The following SMAD2 variants were observed in gnomAD, a reference collection of about 807,000 sequenced individuals.
SMAD2 encodes the protein SMAD family member 2, also known as MAD homolog 2.
In SMAD2, 8 loss-of-function variants were observed where a neutral mutation model predicts 64.4. The observed-to-expected ratio is 0.12, with a 90% CI of 0.07 to 0.22. The LOEUF is 0.22. SMAD2 is among the 10% of genes least tolerant of loss of function. SMAD2 has a pLI of 1.00. For missense variants in SMAD2, 289 were observed against 561.2 expected (o/e 0.51, Z 4.90); for synonymous variants, 203 against 195.8 (o/e 1.04, Z -0.31).
At chr18:47,918,695 C>T (rs2034431734) in intron 1 of SMAD2, among the ~76,000 whole-genome samples, 2 of 152,082 alleles carry the variant, frequency 1.3e-5, no homozygotes, top group South Asian at 2.1e-4. Context: ...GAGCAGCATG[C>T]TCTCAAAGGC....
At chr18:47,909,738 A>G (rs2034047192) in intron 1 of SMAD2, among the ~76,000 whole-genome samples, 1 of 152,202 alleles carries the variant, frequency 6.6e-6, no homozygotes, top group Non-Finnish European at 1.5e-5. Flanking sequence ...CGTTCCATCA[A>G]TGCTTTGTCC....
intron 6 of SMAD2, among the ~76,000 whole-genome samples, chr18:47,861,965 T>C (rs16958547): frequency 0.034 from 5,177 of 152,252 alleles, 311 homozygotes; most frequent in African/African-American, 0.12. Context: ...CTAGCTAGCA[T>C]ATGTAAGAGG....
rs1913993050 is a variant in SMAD2, at chr18:47,841,958, AAAG to A, written c.1281-11_1281-9del. 6.2e-7 allele frequency: 1 copy of A among 1,613,996 alleles called. No homozygotes were observed. Among genetic ancestry groups the A allele is most frequent in the Non-Finnish European group, 8.5e-7 (1 of 1,179,988 alleles). On this transcript the variant is annotated splice_polypyrimidine_tract_variant and intron_variant, in intron 10 of 10. Transcript: ENST00000262160. ...CTTGTTACCGTCTGCCTTCTGTTTA[AAAG>A]AATACAGGAAAATGATTATGAAATT...
intron 6 of SMAD2, among the ~76,000 whole-genome samples, chr18:47,852,025 G>T (rs759540833): frequency 2.6e-5 from 4 of 152,134 alleles, no homozygotes; most frequent in Non-Finnish European, 5.9e-5. Flanking sequence ...GATGCTTGAG[G>T]TGTTATTGCT....
At chr18:47,861,993 T>C (rs1353613339) in intron 6 of SMAD2, among the ~76,000 whole-genome samples, 2 of 152,210 alleles carry the variant, frequency 1.3e-5, no homozygotes, top group Non-Finnish European at 2.9e-5. Flanking sequence ...CAAACTCAGA[T>C]AGTCTAGCTC....
At position 47,889,920 on chromosome 18, in the gene SMAD2, G is replaced by C. The variant is rs78081746; in HGVS notation, c.236+6601C>G. ...AAGAAAAGAGGGTATATTGTTCATT[G>C]CATCAGGTGTTACATGATAAAATTA... On this transcript the variant is annotated intron_variant, in intron 2 of 10. Coordinates refer to ENST00000262160, the MANE Select transcript of SMAD2 (RefSeq NM_005901.6). Among the ~76,000 whole-genome samples, 16 of 152,308 alleles carry C rather than the reference G, an allele frequency of 1.1e-4. No individual in the cohort carries two copies. The East Asian group carries it at 3.1e-3, about 29-fold the overall frequency.
chr18:47,896,832 G>A, intron 1 of SMAD2, 23 bp from the exon 2 acceptor site: 2 of 1,554,342 alleles, frequency 1.3e-6, no homozygotes, highest in Non-Finnish European at 1.7e-6. Flanking sequence ...TTGAAAGGAT[G>A]ATGTAGAGAC....
In SMAD2 at chr18:47,832,187, G is replaced by A. The variant is rs1223261605; in HGVS notation, c.*9640C>T. ...CTCTCATACTCTTCAGCCATTTGAT[G>A]AACATGTGGAATTATGGATGCTAGG... On this transcript the variant is annotated 3_prime_UTR_variant, in exon 11 of 11. Coordinates refer to ENST00000262160, the MANE Select transcript of SMAD2 (RefSeq NM_005901.6). The A allele has an allele frequency of 6.6e-6, 1 of 152,158 alleles. No homozygotes were observed. Among genetic ancestry groups the A allele is most frequent in the Non-Finnish European group, 1.5e-5 (1 of 68,026 alleles). The allele number at this position is 152,158 out of a possible 1,614,324, so 9.4% of individuals were successfully genotyped here. A position where few individuals can be genotyped will look rare whatever the true frequency, so the allele number is the denominator to read the frequency against.
At chr18:47,925,667 G>A (rs2034732828) in intron 1 of SMAD2, among the ~76,000 whole-genome samples, 1 of 152,024 alleles carries the variant, frequency 6.6e-6, no homozygotes, top group Non-Finnish European at 1.5e-5. Context: ...CAAGCAATAA[G>A]CCTCTAACTA....
Position 47,832,330 on chromosome 18 carries a change from T to C in SMAD2, c.*9497A>G, listed in dbSNP as rs1913028649. The C allele has an allele frequency of 6.6e-6, 1 of 152,176 alleles. No individual in the cohort carries two copies. Among genetic ancestry groups the C allele is most frequent in the East Asian group, 1.9e-4 (1 of 5,196 alleles). The allele number at this position is 152,176 out of a possible 1,614,324, so 9.4% of individuals were successfully genotyped here. On this transcript the variant is annotated 3_prime_UTR_variant, in exon 11 of 11. Transcript: ENST00000262160. ...ATCTCGAGTCAGCCCTCAATGTTGTTGTTCAATGTTGGGAAGTCCCTTTTA... is the reference window on the plus strand; with the variant it reads ...ATCTCGAGTCAGCCCTCAATGTTGTCGTTCAATGTTGGGAAGTCCCTTTTA...
chr18:47,876,592 C>G (rs1469977212), intron 2 of SMAD2, among the ~76,000 whole-genome samples: 1 of 152,012 alleles, frequency 6.6e-6, no homozygotes, highest in Non-Finnish European at 1.5e-5. Flanking sequence ...AATATAGCAA[C>G]TACCTTTGTT....
chr18:47,872,670 A>T (rs1406983147), intron 2 of SMAD2, among the ~76,000 whole-genome samples: 1 of 152,122 alleles, frequency 6.6e-6, no homozygotes, highest in African/African-American at 2.4e-5. Context: ...TTAGATTCTC[A>T]TAGGAGCAAG....
At chr18:47,883,240 T>C (rs372151193) in intron 2 of SMAD2, among the ~76,000 whole-genome samples, 1 of 152,226 alleles carries the variant, frequency 6.6e-6, no homozygotes, top group African/African-American at 2.4e-5. Flanking sequence ...TTGAAATATA[T>C]TTTACCTCAT....
chr18:47,929,142 AT>A (rs2034893958), intron 1 of SMAD2, among the ~76,000 whole-genome samples: 2 of 152,336 alleles, frequency 1.3e-5, no homozygotes, highest in Non-Finnish European at 2.9e-5. Context: ...CCCATTTTAA[AT>A]TACTTCTCCC....
In SMAD2 at chr18:47,830,619, T is replaced by G. The variant is rs887869794; in HGVS notation, c.*11208A>C. The G allele has an allele frequency of 3.9e-5, 6 of 151,914 alleles. No individual in the cohort carries two copies. Among genetic ancestry groups the G allele is most frequent in the Non-Finnish European group, 5.9e-5 (4 of 68,058 alleles). The allele number at this position is 151,914 out of a possible 1,614,324, so 9.4% of individuals were successfully genotyped here. A position where few individuals can be genotyped will look rare whatever the true frequency, so the allele number is the denominator to read the frequency against. ...ATTCGTTTTTCTCACAGCAGCACATTTCTAAATGGCAAACCATTTAGAAGT... is the reference window on the plus strand; with the variant it reads ...ATTCGTTTTTCTCACAGCAGCACATGTCTAAATGGCAAACCATTTAGAAGT... On this transcript the variant is annotated 3_prime_UTR_variant, in exon 11 of 11. Transcript: ENST00000262160.
chr18:47,815,689 G>C lies in SMAD2; in HGVS notation c.*26138C>G, dbSNP rs1465205098. ...AATGGAGGGGTGATTTAGTAAGGAG[G>C]GGGTGAAACCGAAAATCAACAAGGT... On this transcript the variant is annotated 3_prime_UTR_variant, in exon 11 of 11. Transcript: ENST00000262160. The C allele has an allele frequency of 1.3e-5, 2 of 152,250 alleles. No individual in the cohort carries two copies. The highest frequency in any genetic ancestry group is 2.4e-5 in the African/African-American group (1 of 41,456). The allele number at this position is 152,250 out of a possible 1,614,324, so 9.4% of individuals were successfully genotyped here. A position where few individuals can be genotyped will look rare whatever the true frequency, so the allele number is the denominator to read the frequency against.
intron 5 of SMAD2, among the ~76,000 whole-genome samples, chr18:47,866,484 T>C (rs1271947196): frequency 6.6e-6 from 1 of 151,964 alleles, no homozygotes; most frequent in African/African-American, 2.4e-5. Flanking sequence ...ATTCTAAGAA[T>C]AAATTATCTT....
At position 47,833,675 on chromosome 18, in the gene SMAD2, T is replaced by G. The variant is rs16958497; in HGVS notation, c.*8152A>C. The stretch of plus-strand genomic sequence containing the variant: ...ATTGAGAGAAACTGCTCAGTCTGCA[T>G]CAGGACACCCAATTCCTTCACTTGC... On this transcript the variant is annotated 3_prime_UTR_variant, in exon 11 of 11. Coordinates refer to ENST00000262160, the MANE Select transcript of SMAD2 (RefSeq NM_005901.6). 1 of 231,112 alleles carries G rather than the reference T, an allele frequency of 4.3e-6. No homozygotes were observed. The highest frequency in any genetic ancestry group is 2.2e-5 in the African/African-American group (1 of 45,226). The allele number at this position is 231,112 out of a possible 1,614,324, so 14.3% of individuals were successfully genotyped here.
chr18:47,930,817 G>C (rs1290851781), upstream of SMAD2: 1 of 147,788 alleles, frequency 6.8e-6, no homozygotes, highest in African/African-American at 2.4e-5. Context: ...CGGCTGGCGG[G>C]CTGCTGGCTG....
Sources: allele counts gnomAD v4.1 joint callset (sites outside exome capture counted in the v4.1 genomes callset), GRCh38; gene constraint gnomAD v4.1.1; transcripts MANE v1.5; gene names NCBI Gene and HGNC (gene_info 2026-07-23, HGNC 2026-07-21).